Variants in CCDC171 observed in about 807,000 individuals in gnomAD.
CCDC171 encodes the protein coiled-coil domain containing 171.
A neutral mutation model predicts 168.2 loss-of-function variants in CCDC171; 177 were observed. The ratio of observed to expected loss-of-function variants is 1.05; its 90% CI spans 0.93 to 1.19. The LOEUF (loss-of-function observed/expected upper bound fraction) is 1.19, where lower values mean the gene tolerates loss of function less well. Among genes scored for constraint, CCDC171 ranks in the 50% most tolerant of loss-of-function variants. The probability of loss-of-function intolerance (pLI) is 0.00; values close to 1 mark genes in which losing one functional copy is unlikely to be tolerated. For synonymous variants in CCDC171, 687 were observed against 540.8 expected, an observed-to-expected ratio of 1.27 and a Z score of -3.75; for missense variants, 1,991 against 1,539.0, an observed-to-expected ratio of 1.29 and a Z score of -4.91.
intron 11 of CCDC171, among the ~76,000 whole-genome samples, chr9:15,710,857 A>C (rs1185380251): frequency 2.0e-5 from 3 of 152,162 alleles, no homozygotes; most frequent in African/African-American, 7.2e-5. Flanking sequence ...TCGGCCTCCC[A>C]AAGTGCTGAG....
intron 25 of CCDC171, among the ~76,000 whole-genome samples, chr9:15,951,654 G>A (rs1314435669): frequency 4.0e-5 from 6 of 151,802 alleles, no homozygotes; most frequent in African/African-American, 1.5e-4. Flanking sequence ...TGTGCTTATT[G>A]GTTTGTTTGT....
intron 8 of CCDC171, among the ~76,000 whole-genome samples, chr9:15,665,399 A>G (rs964866635): frequency 1.1e-4 from 16 of 152,228 alleles, no homozygotes; most frequent in African/African-American, 3.9e-4. Flanking sequence ...AATCTCAGGA[A>G]TAAAAAGATC....
At chr9:15,569,249 G>C (rs2040004687) in intron 2 of CCDC171, among the ~76,000 whole-genome samples, 1 of 152,136 alleles carries the variant, frequency 6.6e-6, no homozygotes, top group Admixed American at 6.5e-5. Flanking sequence ...GTAGTGCAGT[G>C]GTTAAGAGGA....
At chr9:15,591,271 T>A (rs1245718553) in intron 4 of CCDC171, 95 bp from the exon 5 acceptor site, 11 of 704,048 alleles carry the variant, frequency 1.6e-5, no homozygotes, top group Non-Finnish European at 2.7e-5. Context: ...CCTAAGATCA[T>A]GCTGTAAATG....
chr9:15,646,468 A>G (rs2047046759), intron 7 of CCDC171, among the ~76,000 whole-genome samples: 1 of 152,222 alleles, frequency 6.6e-6, no homozygotes, highest in Admixed American at 6.5e-5. Flanking sequence ...AATTGGATAA[A>G]GATTCAAGAC....
chr9:15,982,783 A>G (rs1035325816), intron 3 of CCDC171, among the ~76,000 whole-genome samples: 6 of 152,102 alleles, frequency 3.9e-5, no homozygotes, highest in African/African-American at 1.2e-4. Flanking sequence ...TAAGAACCTA[A>G]AAGAGTCTTC....
At position 15,571,743 on chromosome 9, in the gene CCDC171, C is replaced by A. The variant is rs753823195; in HGVS notation, c.161C>A (p.Thr54Asn). The A allele has an allele frequency of 6.3e-6, 10 of 1,584,402 alleles. No homozygotes were observed. Among genetic ancestry groups the A allele is most frequent in the Non-Finnish European group, 8.5e-6 (10 of 1,172,620 alleles). ...AAAAAAGAAAAGTTAGAAATAACAA[C>A]CAAACACAATGCAGAGGTACGATTT... ...WAKKEKLEIT[T>N]KHNAELASYE... Residue 54 changes from threonine to asparagine, a missense_variant, in exon 3 of 26, where the codon ACC becomes AAC. Coordinates refer to ENST00000380701, the MANE Select transcript of CCDC171 (RefSeq NM_173550.4).
chr9:15,628,855 G>A (rs2045414285), intron 7 of CCDC171, among the ~76,000 whole-genome samples: 1 of 152,204 alleles, frequency 6.6e-6, no homozygotes, highest in Non-Finnish European at 1.5e-5. Context: ...CGATCAGACA[G>A]CAGCATTAAC....
intron 8 of CCDC171, among the ~76,000 whole-genome samples, chr9:15,665,789 C>G (rs1564169797): frequency 6.6e-6 from 1 of 152,058 alleles, no homozygotes; most frequent in African/African-American, 2.4e-5. Flanking sequence ...TCTTAAAAAA[C>G]CCAAACATTT....
chr9:15,792,135 G>A (rs140241643), intron 21 of CCDC171, among the ~76,000 whole-genome samples: 1 of 152,234 alleles, frequency 6.6e-6, no homozygotes, highest in Non-Finnish European at 1.5e-5. Flanking sequence ...TAAATGACCT[G>A]ATGGAGCTGA....
chr9:15,716,203 G>A (rs2053074902), intron 11 of CCDC171, among the ~76,000 whole-genome samples: 1 of 152,164 alleles, frequency 6.6e-6, no homozygotes, highest in Admixed American at 6.5e-5. Context: ...GGAGAGAGAA[G>A]CTCAGGATTT....
chr9:15,593,644 A>G (rs1042351752), intron 5 of CCDC171, among the ~76,000 whole-genome samples: 1 of 152,102 alleles, frequency 6.6e-6, no homozygotes, highest in Non-Finnish European at 1.5e-5. Flanking sequence ...TTCCATATTA[A>G]ATGGAATCTA....
chr9:16,051,762 G>A (rs764641354), intron 1 of CCDC171, among the ~76,000 whole-genome samples: 4 of 152,136 alleles, frequency 2.6e-5, no homozygotes, highest in South Asian at 2.1e-4. Flanking sequence ...TTTTCTAACT[G>A]AACTGATTTG....
At chr9:15,811,999 A>G (rs1261289510) in intron 21 of CCDC171, among the ~76,000 whole-genome samples, 1 of 152,204 alleles carries the variant, frequency 6.6e-6, no homozygotes. Flanking sequence ...CAGACTATGT[A>G]TCTAATGATC....
At chr9:15,867,413 C>G (rs1236417826) in intron 23 of CCDC171, among the ~76,000 whole-genome samples, 1 of 152,018 alleles carries the variant, frequency 6.6e-6, no homozygotes, top group African/African-American at 2.4e-5. Flanking sequence ...TCCTCTGCCT[C>G]TAAAAAACCC....
At chr9:15,881,068 T>C (rs1818575879) in intron 24 of CCDC171, among the ~76,000 whole-genome samples, 2 of 152,156 alleles carry the variant, frequency 1.3e-5, no homozygotes, top group Non-Finnish European at 2.9e-5. Context: ...GTCCTAGATA[T>C]GGGGCCTAAC....
chr9:15,932,110 C>G (rs1410548072), intron 25 of CCDC171, among the ~76,000 whole-genome samples: 3 of 151,690 alleles, frequency 2.0e-5, no homozygotes, highest in African/African-American at 7.3e-5. Flanking sequence ...TGTGGTCTCA[C>G]ATGAATTTTA....
At chr9:15,941,496 A>C (rs1191550699) in intron 25 of CCDC171, among the ~76,000 whole-genome samples, 2 of 151,982 alleles carry the variant, frequency 1.3e-5, no homozygotes, top group African/African-American at 2.4e-5. Context: ...GATAATAAGG[A>C]ATCTTAAAAA....
chr9:15,783,047 G>T (rs1266274055), intron 20 of CCDC171, among the ~76,000 whole-genome samples: 1 of 152,080 alleles, frequency 6.6e-6, no homozygotes, highest in South Asian at 2.1e-4. Context: ...GTTGAGAAAT[G>T]CACTCTTAAA....
Sources: gnomAD v4.1 joint callset for allele counts (sites outside exome capture counted in the v4.1 genomes callset) on GRCh38, gnomAD v4.1.1 for gene constraint, MANE v1.5 for transcripts, NCBI Gene and HGNC (gene_info 2026-07-23, HGNC 2026-07-21) for gene names.